DOK6: variants seen among roughly 807,000 people sequenced by gnomAD.
The protein encoded by DOK6 is downstream of tyrosine kinase 6.
A neutral mutation model predicts 44.0 loss-of-function variants in DOK6; 22 were observed. The ratio of observed to expected loss-of-function variants is 0.50; its 90% CI spans 0.36 to 0.71. DOK6 has a LOEUF of 0.71. Ranked by LOEUF, DOK6 falls within the 30% of genes least tolerant of loss-of-function variation. DOK6 has a pLI of 0.00. For missense variants in DOK6, 340 were observed against 416.4 expected, an observed-to-expected ratio of 0.82 and a Z score of 1.60; for synonymous variants, 166 against 145.5, an observed-to-expected ratio of 1.14 and a Z score of -1.01.
chr18:69,538,981 T>C (rs1982195988), intron 1 of DOK6, among the ~76,000 whole-genome samples: 2 of 152,182 alleles, frequency 1.3e-5, no homozygotes, highest in South Asian at 2.1e-4. Context: ...ACAGAGCAGA[T>C]GTGAGAATTG....
chr18:69,739,769 T>A (rs2144738422), intron 6 of DOK6, among the ~76,000 whole-genome samples: 1 of 152,320 alleles, frequency 6.6e-6, no homozygotes, highest in African/African-American at 2.4e-5. Flanking sequence ...TTGATTATGA[T>A]CTTAAGAGAT....
At chr18:69,625,095 G>A (rs1984527904) in intron 3 of DOK6, among the ~76,000 whole-genome samples, 1 of 152,020 alleles carries the variant, frequency 6.6e-6, no homozygotes, top group African/African-American at 2.4e-5. Flanking sequence ...ACTGTTTTCT[G>A]GCATCTTCCG....
intron 4 of DOK6, among the ~76,000 whole-genome samples, chr18:69,691,279 C>T (rs1018284300): frequency 3.9e-5 from 6 of 151,956 alleles, no homozygotes; most frequent in Admixed American, 2.6e-4. Flanking sequence ...GGCCACAGAG[C>T]TGTGGATAGT....
At chr18:69,721,127 T>C (rs940539458) in intron 5 of DOK6, among the ~76,000 whole-genome samples, 2 of 152,172 alleles carry the variant, frequency 1.3e-5, no homozygotes, top group Non-Finnish European at 2.9e-5. Flanking sequence ...TATATACAAA[T>C]GTTAGATGAA....
chr18:69,513,990 G>A (rs1981447294), intron 1 of DOK6, among the ~76,000 whole-genome samples: 1 of 151,792 alleles, frequency 6.6e-6, no homozygotes, highest in Non-Finnish European at 1.5e-5. Context: ...TTAGCTTCTT[G>A]TCAATGCATG....
intron 1 of DOK6, among the ~76,000 whole-genome samples, chr18:69,456,182 C>G (rs764793449): frequency 6.6e-6 from 1 of 152,058 alleles, no homozygotes; most frequent in Non-Finnish European, 1.5e-5. Context: ...AAAAATTAAG[C>G]CTTTTTTTCC....
chr18:69,803,784 G>A (rs762336052), intron 7 of DOK6, among the ~76,000 whole-genome samples: 2 of 152,000 alleles, frequency 1.3e-5, no homozygotes, highest in African/African-American at 2.4e-5. Flanking sequence ...ACTTGAACCC[G>A]GGAGGCAGAG....
At chr18:69,599,707 G>GATT in intron 3 of DOK6, among the ~76,000 whole-genome samples, 1 of 152,320 alleles carries the variant, frequency 6.6e-6, no homozygotes, top group Non-Finnish European at 1.5e-5. Context: ...TGGCTCCCAG[G>GATT]TGGTCTGCCT....
At chr18:69,636,410 A>G (rs1396129516) in intron 3 of DOK6, among the ~76,000 whole-genome samples, 1 of 152,142 alleles carries the variant, frequency 6.6e-6, no homozygotes, top group Non-Finnish European at 1.5e-5. Flanking sequence ...TCTTCTGTCT[A>G]TGTATATGGC....
chr18:69,659,962 T>TTATATATATAACATATATGTATGTTATA (rs1985480622), intron 3 of DOK6: 2 of 66,838 alleles, frequency 3.0e-5, no homozygotes, highest in Non-Finnish European at 6.8e-5. Context: ...TATGTATGTT[T>TTATATATATAACATATATGTATGTTATA]TATATATATA....
intron 7 of DOK6, among the ~76,000 whole-genome samples, chr18:69,833,685 A>G (rs1442613957): frequency 6.6e-6 from 1 of 152,196 alleles, no homozygotes; most frequent in African/African-American, 2.4e-5. Context: ...AATAACCAGA[A>G]TATATAAATA....
intron 2 of DOK6, among the ~76,000 whole-genome samples, chr18:69,576,543 T>C (rs1256162892): frequency 6.6e-6 from 1 of 152,174 alleles, no homozygotes; most frequent in African/African-American, 2.4e-5. Context: ...ACATACATAT[T>C]ATAAGCTTAT....
At chr18:69,523,505 T>C (rs1337822390) in intron 1 of DOK6, among the ~76,000 whole-genome samples, 2 of 152,060 alleles carry the variant, frequency 1.3e-5, no homozygotes, top group Non-Finnish European at 2.9e-5. Context: ...CTCAAACCAA[T>C]TTAATGTAAG....
intron 1 of DOK6, among the ~76,000 whole-genome samples, chr18:69,531,695 A>G (rs1381920778): frequency 6.6e-6 from 1 of 152,164 alleles, no homozygotes; most frequent in Non-Finnish European, 1.5e-5. Flanking sequence ...AGCACTGGAC[A>G]TTACCCACTT....
chr18:69,451,974 T>C (rs1290915579), intron 1 of DOK6, among the ~76,000 whole-genome samples: 3 of 132,870 alleles, frequency 2.3e-5, no homozygotes, highest in Non-Finnish European at 4.8e-5. Context: ...AGATCCAAAA[T>C]TGACACCCTA....
At chr18:69,741,878 TAAC>T (rs1007027873) in intron 6 of DOK6, among the ~76,000 whole-genome samples, 2 of 152,132 alleles carry the variant, frequency 1.3e-5, no homozygotes, top group African/African-American at 4.8e-5. Context: ...CTATTTAAAA[TAAC>T]AAAATTGTAA....
At chr18:69,671,543 G>A (rs1338227518) in intron 3 of DOK6, among the ~76,000 whole-genome samples, 1 of 152,128 alleles carries the variant, frequency 6.6e-6, no homozygotes, top group South Asian at 2.1e-4. Flanking sequence ...TTCCTAATGA[G>A]GTTGAAAGAA....
At chr18:69,837,311 T>C (rs1424675090) in intron 7 of DOK6, among the ~76,000 whole-genome samples, 2 of 152,146 alleles carry the variant, frequency 1.3e-5, no homozygotes, top group African/African-American at 2.4e-5. Flanking sequence ...CAAGACAGGA[T>C]GAGACAGCAA....
At chr18:69,590,285 A>G (rs4891755) in intron 2 of DOK6, among the ~76,000 whole-genome samples, 140,056 of 152,206 alleles carry the variant, frequency 0.92, 65,533 homozygotes, top group East Asian at 1. Context: ...ATGAGCCAGA[A>G]GCATCTGAGT....
Sources: gnomAD v4.1 joint callset for allele counts (sites outside exome capture counted in the v4.1 genomes callset) on GRCh38, gnomAD v4.1.1 for gene constraint, MANE v1.5 for transcripts, NCBI Gene and HGNC (gene_info 2026-07-23, HGNC 2026-07-21) for gene names.